Variants in CFDP1 observed in about 807,000 individuals in gnomAD.
The protein encoded by CFDP1 is heterochromatin-stabilizing protein CFDP1.
A neutral mutation model predicts 40.1 loss-of-function variants in CFDP1; 31 were observed. That is an observed-to-expected ratio of 0.77 (90% CI 0.58 to 1.04). CFDP1 has a LOEUF of 1.04. Ranked by LOEUF, CFDP1 falls within the 50% of genes least tolerant of loss-of-function variation. The pLI is 0.00. For missense variants in CFDP1, 423 were observed against 343.4 expected (o/e 1.23, Z -1.83); for synonymous variants, 167 against 120.0 (o/e 1.39, Z -2.56).
chr16:75,395,058 A>C (rs1283373170), intron 5 of CFDP1, 32 bp downstream of exon 5: 5 of 1,612,530 alleles, frequency 3.1e-6, no homozygotes, highest in Middle Eastern at 1.7e-4. Flanking sequence ...CAACGTGCCA[A>C]GTACATCAGG....
chr16:75,296,990 A>T (rs1322666281), intron 6 of CFDP1, among the ~76,000 whole-genome samples: 2 of 146,914 alleles, frequency 1.4e-5, no homozygotes, highest in East Asian at 3.9e-4. Flanking sequence ...AAGATACTTA[A>T]TTTTCTGTGC....
chr16:75,350,303 C>G (rs1202204236), intron 5 of CFDP1, among the ~76,000 whole-genome samples: 2 of 152,160 alleles, frequency 1.3e-5, no homozygotes, highest in Non-Finnish European at 2.9e-5. Context: ...CTTTGAGAAT[C>G]TGCCAAACTC....
chr16:75,390,799 C>T (rs1422153396), intron 5 of CFDP1, among the ~76,000 whole-genome samples: 1 of 152,204 alleles, frequency 6.6e-6, no homozygotes, highest in Admixed American at 6.5e-5. Context: ...CCACCTAACC[C>T]TTTCTTCCCC....
chr16:75,360,050 G>A (rs548353712), intron 5 of CFDP1, among the ~76,000 whole-genome samples: 1 of 152,186 alleles, frequency 6.6e-6, no homozygotes, highest in South Asian at 2.1e-4. Context: ...GACTACAGAT[G>A]CATGCTCATT....
intron 5 of CFDP1, among the ~76,000 whole-genome samples, chr16:75,366,560 T>C (rs1473055660): frequency 2.0e-5 from 3 of 150,140 alleles, no homozygotes; most frequent in Non-Finnish European, 4.4e-5. Flanking sequence ...GAGGCGGAGG[T>C]TGCAGTGAGC....
chr16:75,298,518 G>C (rs546365008), intron 6 of CFDP1, among the ~76,000 whole-genome samples: 1 of 152,210 alleles, frequency 6.6e-6, no homozygotes, highest in Admixed American at 6.5e-5. Flanking sequence ...TTCCCCAAGT[G>C]AGCATTCAAG....
At chr16:75,414,557 G>A (rs756237177) in intron 2 of CFDP1, 21 bp downstream of exon 2, 3 of 1,444,898 alleles carry the variant, frequency 2.1e-6, no homozygotes, top group East Asian at 2.3e-5. Context: ...TAACTTCTAA[G>A]GGCCTTGAAG....
At chr16:75,301,277 G>C (rs893180763) in intron 6 of CFDP1, among the ~76,000 whole-genome samples, 6 of 152,126 alleles carry the variant, frequency 3.9e-5, no homozygotes, top group African/African-American at 1.4e-4. Context: ...GCCAAGATTT[G>C]AATTGTTTAT....
chr16:75,374,427 CTT>C (rs2078776616), intron 5 of CFDP1, among the ~76,000 whole-genome samples: 2 of 151,920 alleles, frequency 1.3e-5, no homozygotes, highest in South Asian at 2.1e-4. Context: ...ATAAAAAACA[CTT>C]ATATGTGAAC....
intron 5 of CFDP1, among the ~76,000 whole-genome samples, chr16:75,389,621 A>T (rs1445330261): frequency 1.3e-5 from 2 of 152,188 alleles, no homozygotes; most frequent in Non-Finnish European, 2.9e-5. Flanking sequence ...ATAAACAAAT[A>T]AAGTGTTTCT....
rs561454165 is a variant in CFDP1, at chr16:75,397,194, G to A, written c.531-1985C>T. ...CTCCCAAAGTGCTGGGATTACAGGC[G>A]TGAGCCACTGCGCCCAGCGTTTTTT... On this transcript the variant is annotated intron_variant, in intron 4 of 6. Transcript: ENST00000283882. Among the ~76,000 whole-genome samples, 14 of 151,592 alleles carry A rather than the reference G, an allele frequency of 9.2e-5. No homozygotes were observed. In the South Asian group the frequency reaches 2.9e-3, roughly 32 times the overall value.
chr16:75,361,061 G>A (rs1251221819), intron 5 of CFDP1, among the ~76,000 whole-genome samples: 1 of 152,100 alleles, frequency 6.6e-6, no homozygotes, highest in Admixed American at 6.5e-5. Flanking sequence ...CCAGGCTGGA[G>A]TGTAGTGGCG....
chr16:75,394,829 A>ATTT, intron 5 of CFDP1: 3 of 235,778 alleles, frequency 1.3e-5, no homozygotes, highest in Non-Finnish European at 2.5e-5. Flanking sequence ...TGCCCAGCTA[A>ATTT]TTTTTTTTTT....
At chr16:75,370,228 G>A (rs1022126903) in intron 5 of CFDP1, among the ~76,000 whole-genome samples, 1 of 151,770 alleles carries the variant, frequency 6.6e-6, no homozygotes, top group South Asian at 2.1e-4. Flanking sequence ...AAGTAACTGG[G>A]ATTACAGGTG....
chr16:75,410,668 G>A (rs1375657685), intron 4 of CFDP1, among the ~76,000 whole-genome samples: 1 of 151,424 alleles, frequency 6.6e-6, no homozygotes, highest in Non-Finnish European at 1.5e-5. Context: ...CAGCACTTTG[G>A]GAGGCCGAGG....
intron 6 of CFDP1, among the ~76,000 whole-genome samples, chr16:75,300,786 G>A (rs1476975411): frequency 2.0e-5 from 3 of 151,690 alleles, no homozygotes; most frequent in African/African-American, 4.9e-5. Flanking sequence ...TCAGGGCAGG[G>A]GATACTTTTT....
At chr16:75,407,537 G>T (rs1342084022) in intron 4 of CFDP1, among the ~76,000 whole-genome samples, 1 of 151,736 alleles carries the variant, frequency 6.6e-6, no homozygotes, top group Admixed American at 6.6e-5. Context: ...AAAGTTAGAT[G>T]GGCAAGGTGG....
chr16:75,409,070 G>A (rs950184960), intron 4 of CFDP1, among the ~76,000 whole-genome samples: 2 of 151,670 alleles, frequency 1.3e-5, no homozygotes, highest in African/African-American at 2.4e-5. Context: ...TGTTGTTCAG[G>A]CTGGTCTCGA....
chr16:75,335,437 G>A (rs2078479868), intron 5 of CFDP1, among the ~76,000 whole-genome samples: 1 of 151,884 alleles, frequency 6.6e-6, no homozygotes, highest in African/African-American at 2.4e-5. Flanking sequence ...ACTGTTACCA[G>A]TTTCTTATGT....
Sources: gnomAD v4.1 joint callset for allele counts (sites outside exome capture counted in the v4.1 genomes callset) on GRCh38, gnomAD v4.1.1 for gene constraint, MANE v1.5 for transcripts, NCBI Gene and HGNC (gene_info 2026-07-23, HGNC 2026-07-21) for gene names.